The following CNTNAP2 variants were observed in gnomAD, a reference collection of about 807,000 sequenced individuals.
CNTNAP2 encodes the protein contactin associated protein 2, also known as contactin-associated protein-like 2.
A neutral mutation model predicts 155.2 loss-of-function variants in CNTNAP2; 98 were observed. That is an observed-to-expected ratio of 0.63 (90% CI 0.54 to 0.75). CNTNAP2 has a LOEUF of 0.75. Among genes scored for constraint, CNTNAP2 ranks in the 30% least tolerant of loss-of-function variants. The probability of loss-of-function intolerance (pLI) is 0.00; values close to 1 mark genes in which losing one functional copy is unlikely to be tolerated. For synonymous variants in CNTNAP2, 651 were observed against 631.2 expected (o/e 1.03, Z -0.47); for missense variants, 1,727 against 1,688.1 (o/e 1.02, Z -0.40).
chr7:146,886,916 T>C (rs958328987), intron 3 of CNTNAP2, among the ~76,000 whole-genome samples: 2 of 151,802 alleles, frequency 1.3e-5, no homozygotes, highest in Admixed American at 6.6e-5. Flanking sequence ...GCTAAATTCC[T>C]GTAATTTGCC....
intron 12 of CNTNAP2, among the ~76,000 whole-genome samples, chr7:147,630,272 G>A (rs1006908127): frequency 9.5e-6 from 1 of 104,806 alleles, no homozygotes; most frequent in African/African-American, 3.4e-5. Context: ...AAGAAATAGA[G>A]ATTCTAAACT....
intron 3 of CNTNAP2, among the ~76,000 whole-genome samples, chr7:146,975,257 G>T (rs1797887049): frequency 6.6e-6 from 1 of 151,756 alleles, no homozygotes; most frequent in Admixed American, 6.6e-5. Context: ...CTGAAGTCAG[G>T]AGTTCGAGAC....
At position 146,904,767 on chromosome 7, in the gene CNTNAP2, G is replaced by A. The variant is rs141100333; in HGVS notation, c.402+64863G>A. Among the ~76,000 whole-genome samples, 1,052 of 152,248 alleles carry A rather than the reference G, an allele frequency of 6.9e-3. 9 individuals are homozygous for A. Among genetic ancestry groups the A allele is most frequent in the African/African-American group, 0.024 (984 of 41,552 alleles). ...ATTACAGGCGTGAGCCACCGCGTCC[G>A]GCCGAGAATTCATCTTTTGAGCATG... On this transcript the variant is annotated intron_variant, in intron 3 of 23. Coordinates refer to ENST00000361727, the MANE Select transcript of CNTNAP2 (RefSeq NM_014141.6).
chr7:147,022,103 C>T (rs7804520), intron 3 of CNTNAP2, among the ~76,000 whole-genome samples: 16,282 of 152,020 alleles, frequency 0.11, 954 homozygotes, highest in Middle Eastern at 0.16. Context: ...CGGAGTTTTG[C>T]TATTTCTTTG....
At chr7:147,383,917 C>T (rs916918007) in intron 9 of CNTNAP2, among the ~76,000 whole-genome samples, 6 of 151,986 alleles carry the variant, frequency 3.9e-5, no homozygotes, top group Admixed American at 2.0e-4. Flanking sequence ...TAAACCAATG[C>T]AGATAATTAT....
intron 6 of CNTNAP2, among the ~76,000 whole-genome samples, chr7:147,128,143 T>C (rs968638127): frequency 2.0e-5 from 3 of 152,298 alleles, no homozygotes; most frequent in African/African-American, 7.2e-5. Context: ...CTAATCAATA[T>C]TGTAATGATA....
At chr7:146,833,885 T>G (rs1803562699) in intron 2 of CNTNAP2, among the ~76,000 whole-genome samples, 1 of 152,218 alleles carries the variant, frequency 6.6e-6, no homozygotes, top group South Asian at 2.1e-4. Flanking sequence ...TTTATCTTAT[T>G]TTTTGATCCT....
chr7:147,691,700 G>A (rs1413701698), intron 13 of CNTNAP2, among the ~76,000 whole-genome samples: 1 of 152,060 alleles, frequency 6.6e-6, no homozygotes, highest in East Asian at 1.9e-4. Context: ...TTTTCAATAA[G>A]CTTTATTTTA....
At chr7:146,621,366 G>C (rs551282270) in intron 1 of CNTNAP2, among the ~76,000 whole-genome samples, 19 of 152,194 alleles carry the variant, frequency 1.2e-4, no homozygotes, top group African/African-American at 4.3e-4. Context: ...AATGTTCATT[G>C]AGATTTTCTT....
Position 148,217,497 on chromosome 7 carries a change from T to A in CNTNAP2, c.3220T>A (p.Phe1074Ile). The change falls in exon 19 of 24, where the codon TTC becomes ATC. Residue 1074 changes from phenylalanine to isoleucine, a missense_variant. Coordinates refer to ENST00000361727, the MANE Select transcript of CNTNAP2 (RefSeq NM_014141.6). ...LLYISSFTTD[F>I]LAVLVKPTGS... ...CTACATCAGCTCCTTCACCACAGAC[T>A]TCTTGGCAGTCCTCGTCAAACCCAC... 1 of 1,614,194 alleles carries A rather than the reference T, an allele frequency of 6.2e-7. No homozygotes were observed. Among genetic ancestry groups the A allele is most frequent in the Non-Finnish European group, 8.5e-7 (1 of 1,180,028 alleles).
At chr7:147,154,381 A>C (rs1457940320) in intron 8 of CNTNAP2, among the ~76,000 whole-genome samples, 1 of 152,174 alleles carries the variant, frequency 6.6e-6, no homozygotes, top group Non-Finnish European at 1.5e-5. Context: ...GAATGATCCA[A>C]TAGGTTATAC....
intron 1 of CNTNAP2, among the ~76,000 whole-genome samples, chr7:146,738,863 C>T (rs543926001): frequency 4.7e-5 from 7 of 149,718 alleles, no homozygotes; most frequent in Non-Finnish European, 1.0e-4. Flanking sequence ...TCATAATTCA[C>T]TCTTGGTAGA....
At chr7:146,251,026 C>A (rs926758113) in intron 1 of CNTNAP2, among the ~76,000 whole-genome samples, 1 of 152,060 alleles carries the variant, frequency 6.6e-6, no homozygotes, top group Non-Finnish European at 1.5e-5. Flanking sequence ...TCCAATGAAA[C>A]TTTCTTGGTT....
At chr7:146,886,775 T>A (rs1237669792) in intron 3 of CNTNAP2, among the ~76,000 whole-genome samples, 1 of 150,378 alleles carries the variant, frequency 6.6e-6, no homozygotes, top group Admixed American at 6.7e-5. Context: ...GTTTATCTAG[T>A]ATAGCCTCCT....
chr7:148,193,738 A>T (rs1795234250), intron 18 of CNTNAP2, among the ~76,000 whole-genome samples: 1 of 152,014 alleles, frequency 6.6e-6, no homozygotes. Flanking sequence ...TCTGGCCATC[A>T]GTCATAGTTC....
chr7:147,624,741 A>C (rs141606815), intron 12 of CNTNAP2, among the ~76,000 whole-genome samples: 216 of 152,318 alleles, frequency 1.4e-3, no homozygotes, highest in African/African-American at 4.2e-3. Context: ...ATGATCCAGC[A>C]ATCCTACTGA....
At chr7:147,281,442 G>A (rs1805031288) in intron 8 of CNTNAP2, among the ~76,000 whole-genome samples, 1 of 151,646 alleles carries the variant, frequency 6.6e-6, no homozygotes, top group South Asian at 2.1e-4. Flanking sequence ...ATTGTCTAGG[G>A]TATTGTCTGA....
At chr7:147,037,183 A>G (rs941133697) in intron 3 of CNTNAP2, among the ~76,000 whole-genome samples, 1 of 152,092 alleles carries the variant, frequency 6.6e-6, no homozygotes, top group African/African-American at 2.4e-5. Context: ...TAAAATATGA[A>G]CACTATATTA....
intron 15 of CNTNAP2, among the ~76,000 whole-genome samples, chr7:148,002,325 T>A (rs60692572): frequency 0.065 from 9,943 of 152,238 alleles, 735 homozygotes; most frequent in African/African-American, 0.18. Context: ...TTTGATAGAC[T>A]GAATATATAT....
Sources: gnomAD v4.1 joint callset for allele counts (sites outside exome capture counted in the v4.1 genomes callset) on GRCh38, gnomAD v4.1.1 for gene constraint, MANE v1.5 for transcripts, NCBI Gene and HGNC (gene_info 2026-07-23, HGNC 2026-07-21) for gene names.